The following PDE4D variants were observed in gnomAD, a reference collection of about 807,000 sequenced individuals.
PDE4D encodes phosphodiesterase 4D, also known as 3',5'-cyclic-AMP phosphodiesterase 4D.
Under a neutral mutation model 87.4 loss-of-function variants are expected in PDE4D, and 24 were observed. The ratio of observed to expected loss-of-function variants is 0.27; its 90% CI spans 0.20 to 0.39. The LOEUF (loss-of-function observed/expected upper bound fraction) is 0.39, where lower values mean the gene tolerates loss of function less well. PDE4D is among the 10% of genes least tolerant of loss of function. The pLI is 1.00. For synonymous variants in PDE4D, 384 were observed against 383.2 expected (o/e 1.00, Z -0.02); for missense variants, 714 against 1,041.0 (o/e 0.69, Z 4.32).
chr5:60,395,964 G>A lies in PDE4D; in HGVS notation c.-90+91978C>T, dbSNP rs527518410. Among the ~76,000 whole-genome samples the A allele has an allele frequency of 5.8e-4, 88 of 152,208 alleles. 1 individual carries two copies. Among genetic ancestry groups the A allele is most frequent in the African/African-American group, 2.0e-3 (82 of 41,526 alleles). ...TACCACACAAAGGTACTCCGCTCAA[G>A]CAGGCATGTGATAGCTAAAACCCAG... On this transcript the variant is annotated intron_variant, in intron 1 of 16. Coordinates refer to the PDE4D transcript ENST00000502484.
chr5:59,509,094 C>T (rs148004149), intron 1 of PDE4D, among the ~76,000 whole-genome samples: 1 of 152,028 alleles, frequency 6.6e-6, no homozygotes, highest in East Asian at 1.9e-4. Context: ...TTTAAGTAAA[C>T]TTTTGAAAAA....
At chr5:60,419,107 G>T (rs1324607383) in intron 1 of PDE4D, among the ~76,000 whole-genome samples, 1 of 152,122 alleles carries the variant, frequency 6.6e-6, no homozygotes, top group Non-Finnish European at 1.5e-5. Context: ...TAACAAATGT[G>T]CATACATTTT....
rs577245301 is a variant in PDE4D at position 59,077,971 on chromosome 5, T to C, written c.809-39000A>G. On this transcript the variant is annotated intron_variant, in intron 5 of 14. Transcript: ENST00000340635. Reference sequence around the variant, plus strand: ...TCTTCATCCCAGTGCAGTTGCTCTTTCCTAAATGAGCAACCGCGCATCTGG... The same window carrying C: ...TCTTCATCCCAGTGCAGTTGCTCTTCCCTAAATGAGCAACCGCGCATCTGG... Among the ~76,000 whole-genome samples the C allele has an allele frequency of 2.9e-4, 44 of 152,352 alleles. No individual in the cohort carries two copies. The South Asian group carries it at 8.7e-3, about 30-fold the overall frequency.
chr5:60,202,553 C>T (rs192334450), intron 1 of PDE4D, among the ~76,000 whole-genome samples: 15 of 151,812 alleles, frequency 9.9e-5, no homozygotes, highest in Admixed American at 1.3e-4. Flanking sequence ...TTACATATTA[C>T]ATATTTTATA....
At chr5:59,801,951 C>T (rs1049466254) in intron 1 of PDE4D, among the ~76,000 whole-genome samples, 11 of 152,026 alleles carry the variant, frequency 7.2e-5, no homozygotes, top group Non-Finnish European at 1.6e-4. Context: ...AATGACAGTT[C>T]ATTATATTTT....
intron 1 of PDE4D, among the ~76,000 whole-genome samples, chr5:59,662,432 C>T (rs1228978868): frequency 6.6e-6 from 1 of 152,084 alleles, no homozygotes; most frequent in Admixed American, 6.6e-5. Flanking sequence ...TTGCACTGAC[C>T]CTGAATATCT....
intron 1 of PDE4D, among the ~76,000 whole-genome samples, chr5:60,323,818 C>T (rs933554601): frequency 1.3e-5 from 2 of 151,734 alleles, no homozygotes; most frequent in African/African-American, 4.9e-5. Context: ...TTTCAGTTCT[C>T]GGAATTTCAG....
intron 1 of PDE4D, among the ~76,000 whole-genome samples, chr5:59,591,955 C>T (rs951828429): frequency 3.3e-5 from 5 of 152,082 alleles, no homozygotes; most frequent in Non-Finnish European, 7.4e-5. Context: ...ATAAAATTTA[C>T]ATGAGTTTTC....
intron 1 of PDE4D, among the ~76,000 whole-genome samples, chr5:60,225,875 T>A (rs1286628799): frequency 6.6e-6 from 1 of 152,116 alleles, no homozygotes; most frequent in Non-Finnish European, 1.5e-5. Context: ...TTGGAGAAGG[T>A]CACATAGTGA....
chr5:59,146,852 T>G (rs1290047248), intron 5 of PDE4D, among the ~76,000 whole-genome samples: 1 of 152,122 alleles, frequency 6.6e-6, no homozygotes, highest in African/African-American at 2.4e-5. Context: ...ACTGAACACC[T>G]CTTTCACATT....
intron 1 of PDE4D, among the ~76,000 whole-genome samples, chr5:60,348,449 T>TA (rs777018803): frequency 7.2e-4 from 108 of 150,976 alleles, no homozygotes; most frequent in Non-Finnish European, 1.2e-3. Flanking sequence ...AACTCAAATT[T>TA]TAAAAAAAAC....
At chr5:59,031,392 T>TA (rs1431074293) in intron 6 of PDE4D, among the ~76,000 whole-genome samples, 60 of 34,250 alleles carry the variant, frequency 1.8e-3, no homozygotes, top group East Asian at 8.9e-3. Flanking sequence ...TATATATATA[T>TA]TATATATATA....
At chr5:60,520,391 T>A (rs780279917) in intron 1 of PDE4D, among the ~76,000 whole-genome samples, 7 of 152,234 alleles carry the variant, frequency 4.6e-5, no homozygotes, top group Non-Finnish European at 7.3e-5. Context: ...TTGAATCCTT[T>A]GCCTGGGAGT....
chr5:60,090,375 T>C (rs1774997499), intron 2 of PDE4D, among the ~76,000 whole-genome samples: 1 of 152,164 alleles, frequency 6.6e-6, no homozygotes, highest in Admixed American at 6.5e-5. Context: ...TAATTCAACA[T>C]ATGTAAATCA....
At chr5:58,994,902 T>A (rs1373454819) in intron 6 of PDE4D, among the ~76,000 whole-genome samples, 1 of 138,502 alleles carries the variant, frequency 7.2e-6, no homozygotes, top group African/African-American at 2.6e-5. Context: ...TCCTAATGCT[T>A]TCCCTCCCCC....
chr5:59,733,420 G>A (rs1757654588), intron 1 of PDE4D, among the ~76,000 whole-genome samples: 2 of 152,050 alleles, frequency 1.3e-5, no homozygotes, highest in Non-Finnish European at 2.9e-5. Context: ...CAGAACAAAT[G>A]GATGAGATGT....
Position 59,631,053 on chromosome 5 carries a change from C to T in PDE4D, c.455+262115G>A, listed in dbSNP as rs143336434. 3.4e-3 allele frequency among the ~76,000 whole-genome samples: 512 copies of T among 152,240 alleles called. 2 individuals carry two copies. The highest frequency in any genetic ancestry group is 0.012 in the African/African-American group (480 of 41,552). The stretch of plus-strand genomic sequence containing the variant: ...GTAAGCAAAAGGCACAATTTTTCCA[C>T]CTGTAAGGAATGGCTCCTAGAATAA... On this transcript the variant is annotated intron_variant, in intron 1 of 14. Coordinates refer to ENST00000340635, the MANE Select transcript of PDE4D (RefSeq NM_001104631.2).
At chr5:60,178,387 T>C (rs1784108829) in intron 2 of PDE4D, among the ~76,000 whole-genome samples, 1 of 152,146 alleles carries the variant, frequency 6.6e-6, no homozygotes, top group Admixed American at 6.6e-5. Context: ...ATTTCATTTA[T>C]GTTGGGTGAG....
intron 1 of PDE4D, among the ~76,000 whole-genome samples, chr5:59,671,547 C>G (rs1417722027): frequency 6.6e-6 from 1 of 152,186 alleles, no homozygotes; most frequent in Non-Finnish European, 1.5e-5. Context: ...ACGACTCACA[C>G]CTGTAATCCC....
Sources: gnomAD v4.1 joint callset for allele counts (sites outside exome capture counted in the v4.1 genomes callset) on GRCh38, gnomAD v4.1.1 for gene constraint, MANE v1.5 for transcripts, NCBI Gene and HGNC (gene_info 2026-07-23, HGNC 2026-07-21) for gene names.